Variants in CAMK4 observed in about 807,000 individuals in gnomAD.
The protein encoded by CAMK4 is calcium/calmodulin-dependent protein kinase type IV.
CAMK4 carries 22 observed loss-of-function variants against 44.9 expected under a neutral mutation model. The ratio of observed to expected loss-of-function variants is 0.49; its 90% CI spans 0.35 to 0.70. The LOEUF is 0.70. Among genes scored for constraint, CAMK4 ranks in the 30% least tolerant of loss-of-function variants. The pLI is 0.01. For missense variants in CAMK4, 498 were observed against 586.8 expected, an observed-to-expected ratio of 0.85 and a Z score of 1.56; for synonymous variants, 218 against 215.4, an observed-to-expected ratio of 1.01 and a Z score of -0.11.
chr5:111,247,960 T>A (rs1749312942), intron 1 of CAMK4, among the ~76,000 whole-genome samples: 1 of 152,216 alleles, frequency 6.6e-6, no homozygotes, highest in Admixed American at 6.5e-5. Context: ...CAGTCTTTAA[T>A]GTGCTCAGGG....
intron 5 of CAMK4, among the ~76,000 whole-genome samples, chr5:111,400,522 T>C (rs192843926): frequency 6.0e-4 from 91 of 152,244 alleles, no homozygotes; most frequent in African/African-American, 2.0e-3. Context: ...AAAGTATAAT[T>C]ATACTCCTTA....
At chr5:111,352,774 A>G (rs554143647) in intron 2 of CAMK4, among the ~76,000 whole-genome samples, 25 of 152,172 alleles carry the variant, frequency 1.6e-4, no homozygotes, top group African/African-American at 6.0e-4. Flanking sequence ...TAATCCATTC[A>G]TGGGAATGGT....
intron 1 of CAMK4, among the ~76,000 whole-genome samples, chr5:111,252,458 T>A (rs1181978378): frequency 6.6e-6 from 1 of 152,206 alleles, no homozygotes; most frequent in African/African-American, 2.4e-5. Context: ...TTACATATTT[T>A]CTATAGATCC....
At chr5:111,237,019 G>A (rs559061503) in intron 1 of CAMK4, among the ~76,000 whole-genome samples, 6 of 152,282 alleles carry the variant, frequency 3.9e-5, no homozygotes, top group East Asian at 3.9e-4. Context: ...CTAGCACACC[G>A]AAATTACTTG....
intron 1 of CAMK4, among the ~76,000 whole-genome samples, chr5:111,268,296 A>C (rs1750354141): frequency 6.6e-6 from 1 of 152,204 alleles, no homozygotes; most frequent in Non-Finnish European, 1.5e-5. Context: ...ATTCTTATTC[A>C]AATAAGAATT....
At chr5:111,319,175 T>G (rs1324022782) in intron 1 of CAMK4, among the ~76,000 whole-genome samples, 1 of 152,150 alleles carries the variant, frequency 6.6e-6, no homozygotes, top group East Asian at 1.9e-4. Context: ...TGCAATATGC[T>G]CTGTAATGGT....
At chr5:111,441,670 T>G (rs1399833896) in intron 5 of CAMK4, among the ~76,000 whole-genome samples, 1 of 152,198 alleles carries the variant, frequency 6.6e-6, no homozygotes, top group African/African-American at 2.4e-5. Flanking sequence ...TTGCTTTACT[T>G]TAATTATGAT....
Position 111,493,322 on chromosome 5 carries a change from T to C in CAMK4, c.*8856T>C, listed in dbSNP as rs1327081820. ...TCAGTCACTGAAAGCAAAAACTGAATTGGCCAGGTCTCCACTGACAAAACA... is the reference window on the plus strand; with the variant it reads ...TCAGTCACTGAAAGCAAAAACTGAACTGGCCAGGTCTCCACTGACAAAACA... On this transcript the variant is annotated 3_prime_UTR_variant, in exon 11 of 11. Coordinates refer to ENST00000282356, the MANE Select transcript of CAMK4 (RefSeq NM_001744.6). The surrounding 1 kb of genome is among the most constrained non-coding windows in gnomAD (Gnocchi z 4.1). 1.3e-5 allele frequency: 2 copies of C among 152,284 alleles called. No homozygotes were observed. The highest frequency in any genetic ancestry group is 3.9e-4 in the East Asian group (2 of 5,182). 9.4% of individuals were successfully genotyped at this position (152,284 alleles called of 1,614,324 possible). A position where few individuals can be genotyped will look rare whatever the true frequency, so the allele number is the denominator to read the frequency against.
At chr5:111,364,090 AG>A (rs1373089757) in intron 2 of CAMK4, among the ~76,000 whole-genome samples, 1 of 152,094 alleles carries the variant, frequency 6.6e-6, no homozygotes, top group Admixed American at 6.6e-5. Context: ...GAAGAAGTGA[AG>A]AAAGAGTGCA....
intron 1 of CAMK4, among the ~76,000 whole-genome samples, chr5:111,333,524 G>T (rs1008652452): frequency 4.0e-5 from 6 of 151,600 alleles, no homozygotes; most frequent in African/African-American, 1.5e-4. Flanking sequence ...ATTTGAGGCT[G>T]TTTTTGCTTT....
chr5:111,248,708 G>T (rs1454471498), intron 1 of CAMK4, among the ~76,000 whole-genome samples: 2 of 152,074 alleles, frequency 1.3e-5, no homozygotes, highest in African/African-American at 4.8e-5. Context: ...TTATTGTGAT[G>T]ATATATTATC....
At chr5:111,242,410 GA>G (rs1341004514) in intron 1 of CAMK4, among the ~76,000 whole-genome samples, 1 of 152,166 alleles carries the variant, frequency 6.6e-6, no homozygotes, top group Non-Finnish European at 1.5e-5. Context: ...TAATAGGTAT[GA>G]TTTATATCTC....
intron 1 of CAMK4, among the ~76,000 whole-genome samples, chr5:111,295,608 T>C (rs1264955231): frequency 6.6e-6 from 1 of 152,228 alleles, no homozygotes; most frequent in East Asian, 1.9e-4. Context: ...AAAGCTATAA[T>C]GGAATTATGG....
In CAMK4 at chr5:111,266,544, C is replaced by A. The variant is rs1750253649; in HGVS notation, c.161+41900C>A. On this transcript the variant is annotated intron_variant, in intron 1 of 10. Transcript: ENST00000282356. ...TGGTCTCCTTATTATGAATTACTGT[C>A]CTGCTATTTATTAGTCTTTCTCAAT... Among the ~76,000 whole-genome samples the A allele has an allele frequency of 2.0e-5, 3 of 152,194 alleles. No individual in the cohort carries two copies. The South Asian group carries it at 6.2e-4, about 32-fold the overall frequency.
At position 111,355,723 on chromosome 5, in the gene CAMK4, A is replaced by G. The variant is rs1247109070; in HGVS notation, c.240+11621A>G. ...TGTGTCCATGTGCTCTCATTGTTCAATTCCCATCTATGAGTGAGAACATGT... is the reference window on the plus strand; with the variant it reads ...TGTGTCCATGTGCTCTCATTGTTCAGTTCCCATCTATGAGTGAGAACATGT... On this transcript the variant is annotated intron_variant, in intron 2 of 10. Transcript: ENST00000282356. 2.4e-4 allele frequency among the ~76,000 whole-genome samples: 36 copies of G among 149,808 alleles called. No individual in the cohort carries two copies. In the East Asian group the frequency reaches 4.8e-3, roughly 20 times the overall value.
At chr5:111,406,514 G>C (rs568114856) in intron 5 of CAMK4, among the ~76,000 whole-genome samples, 4 of 137,686 alleles carry the variant, frequency 2.9e-5, no homozygotes, top group African/African-American at 7.5e-5. Flanking sequence ...GTGAGCCTCC[G>C]TACCTGGCCA....
intron 1 of CAMK4, among the ~76,000 whole-genome samples, chr5:111,308,154 G>A (rs1748011957): frequency 7.5e-6 from 1 of 133,644 alleles, no homozygotes; most frequent in Non-Finnish European, 1.6e-5. Flanking sequence ...AATGCTAGAT[G>A]ACACGTTAGT....
intron 9 of CAMK4, among the ~76,000 whole-genome samples, chr5:111,478,764 T>C (rs1198481111): frequency 1.3e-5 from 2 of 152,246 alleles, no homozygotes; most frequent in Non-Finnish European, 2.9e-5. Context: ...ACCTTATAAG[T>C]ATAAAAACCT....
chr5:111,309,042 A>C (rs939079841), intron 1 of CAMK4, among the ~76,000 whole-genome samples: 3 of 152,208 alleles, frequency 2.0e-5, no homozygotes, highest in Admixed American at 2.0e-4. Context: ...GTGAGTGAAT[A>C]AGACATGGTT....
Sources: allele counts gnomAD v4.1 joint callset (sites outside exome capture counted in the v4.1 genomes callset), GRCh38; gene constraint gnomAD v4.1.1; non-coding constraint Gnocchi (gnomAD v3.1); transcripts MANE v1.5; gene names NCBI Gene and HGNC (gene_info 2026-07-23, HGNC 2026-07-21).